Variants in KDM4C observed in about 807,000 individuals in gnomAD.
The protein encoded by KDM4C is lysine-specific demethylase 4C.
A neutral mutation model predicts 129.3 loss-of-function variants in KDM4C; 81 were observed. That is an observed-to-expected ratio of 0.63 (90% CI 0.52 to 0.75). The LOEUF is 0.75. Among genes scored for constraint, KDM4C ranks in the 30% least tolerant of loss-of-function variants. KDM4C has a pLI of 0.00. For synonymous variants in KDM4C, 573 were observed against 456.1 expected, an observed-to-expected ratio of 1.26 and a Z score of -3.26; for missense variants, 1,457 against 1,304.0, an observed-to-expected ratio of 1.12 and a Z score of -1.81.
At chr9:6,938,493 G>A (rs1330635536) in intron 8 of KDM4C, among the ~76,000 whole-genome samples, 1 of 152,172 alleles carries the variant, frequency 6.6e-6, no homozygotes. Context: ...AAAACCGACC[G>A]TATGAAGCTG....
chr9:6,932,444 CTT>C (rs1823925788), intron 8 of KDM4C, among the ~76,000 whole-genome samples: 1 of 152,104 alleles, frequency 6.6e-6, no homozygotes, highest in Admixed American at 6.5e-5. Flanking sequence ...CTTGAGAAAA[CTT>C]TTGTTGAAAA....
rs558865525 is a variant in KDM4C, at chr9:6,736,900, A to T, written c.49+15903A>T. Reference sequence around the variant, plus strand: ...ACCCCGTCTCTACAAAAAAATACAAAATTAGCCGGGCATGGGGGCACACAC... The same window carrying T: ...ACCCCGTCTCTACAAAAAAATACAATATTAGCCGGGCATGGGGGCACACAC... On this transcript the variant is annotated intron_variant, in intron 1 of 17. Transcript: ENST00000536108. 2.5e-4 allele frequency among the ~76,000 whole-genome samples: 38 copies of T among 151,998 alleles called. 1 individual carries two copies. The highest frequency in any genetic ancestry group is 6.8e-3 in the Middle Eastern group (2 of 294).
chr9:6,789,218 AT>A (rs71308871), intron 1 of KDM4C, among the ~76,000 whole-genome samples: 53 of 117,270 alleles, frequency 4.5e-4, no homozygotes, highest in Admixed American at 5.7e-4. Flanking sequence ...CGCCTGGCTA[AT>A]TTTTTTTTTT....
intron 1 of KDM4C, among the ~76,000 whole-genome samples, chr9:6,746,460 G>T (rs10975817): frequency 0.17 from 24,532 of 147,446 alleles, 2,102 homozygotes; most frequent in African/African-American, 0.21. Context: ...GTAGAGACAG[G>T]GTTTCACCGT....
intron 8 of KDM4C, among the ~76,000 whole-genome samples, chr9:6,950,993 A>C (rs1284442899): frequency 6.6e-6 from 1 of 152,130 alleles, no homozygotes; most frequent in Non-Finnish European, 1.5e-5. Flanking sequence ...CTCTGAAGGG[A>C]GGCATTCATT....
chr9:6,832,190 A>G (rs1021022342), intron 4 of KDM4C, among the ~76,000 whole-genome samples: 1 of 151,446 alleles, frequency 6.6e-6, no homozygotes, highest in African/African-American at 2.4e-5. Flanking sequence ...AATACAAAAA[A>G]TTAGCCGGGC....
intron 18 of KDM4C, among the ~76,000 whole-genome samples, chr9:7,119,416 C>G (rs1040170936): frequency 6.6e-5 from 10 of 152,130 alleles, no homozygotes; most frequent in African/African-American, 1.9e-4. Flanking sequence ...CAATCTTGAG[C>G]ATAGGCAGAG....
chr9:7,049,597 C>T (rs1008811322), intron 17 of KDM4C, among the ~76,000 whole-genome samples: 1 of 152,100 alleles, frequency 6.6e-6, no homozygotes, highest in African/African-American at 2.4e-5. Context: ...AACCTAATTT[C>T]ATTATCTCTT....
intron 19 of KDM4C, among the ~76,000 whole-genome samples, chr9:7,141,920 A>G (rs1475262907): frequency 6.6e-6 from 1 of 152,172 alleles, no homozygotes; most frequent in Non-Finnish European, 1.5e-5. Flanking sequence ...CTTCATCTCT[A>G]AATGGATGTG....
At chr9:7,000,158 C>T (rs1820473492) in intron 12 of KDM4C, among the ~76,000 whole-genome samples, 1 of 152,068 alleles carries the variant, frequency 6.6e-6, no homozygotes, top group Non-Finnish European at 1.5e-5. Context: ...TTGGTGTTCT[C>T]AGTTTAGCCT....
chr9:6,951,735 A>G (rs1828185631), intron 8 of KDM4C, among the ~76,000 whole-genome samples: 1 of 152,230 alleles, frequency 6.6e-6, no homozygotes, highest in East Asian at 1.9e-4. Flanking sequence ...TATTTCATGC[A>G]TTTAATCATG....
chr9:6,841,948 C>G (rs1409039946), intron 4 of KDM4C, among the ~76,000 whole-genome samples: 4 of 152,296 alleles, frequency 2.6e-5, no homozygotes, highest in Admixed American at 2.0e-4. Flanking sequence ...TTCTTAATTG[C>G]TCAGGCTTTG....
intron 9 of KDM4C, among the ~76,000 whole-genome samples, chr9:6,983,561 CAG>C: frequency 7.1e-6 from 1 of 140,168 alleles, no homozygotes; most frequent in South Asian, 2.3e-4. Flanking sequence ...TATAGTGAGA[CAG>C]TGTCTTTATG....
chr9:6,970,423 T>G (rs942184888), intron 8 of KDM4C, among the ~76,000 whole-genome samples: 1 of 152,246 alleles, frequency 6.6e-6, no homozygotes, highest in Non-Finnish European at 1.5e-5. Flanking sequence ...GCTTCATAGC[T>G]GGTTACTGTG....
chr9:6,754,875 C>G (rs1181043776), upstream of KDM4C, among the ~76,000 whole-genome samples: 1 of 82,664 alleles, frequency 1.2e-5, no homozygotes, highest in African/African-American at 5.3e-5. Flanking sequence ...GATCCTGTCT[C>G]AAAGTAAAAA....
chr9:6,803,382 C>G (rs1040618390), intron 2 of KDM4C, among the ~76,000 whole-genome samples: 1 of 151,662 alleles, frequency 6.6e-6, no homozygotes, highest in African/African-American at 2.4e-5. Context: ...ACCATCCTGG[C>G]CAACATGGTG....
intron 1 of KDM4C, chr9:6,734,818 T>C: frequency 2.2e-6 from 1 of 453,666 alleles, no homozygotes; most frequent in Non-Finnish European, 4.4e-6. Context: ...TCCATTGTTT[T>C]CTCTACAGGA....
At chr9:6,869,612 C>T (rs1407853261) in intron 5 of KDM4C, among the ~76,000 whole-genome samples, 1 of 152,250 alleles carries the variant, frequency 6.6e-6, no homozygotes, top group African/African-American at 2.4e-5. Flanking sequence ...AGTGCTGGAG[C>T]TGACATTGCC....
chr9:6,964,709 G>C (rs562625365), intron 8 of KDM4C, among the ~76,000 whole-genome samples: 2 of 151,056 alleles, frequency 1.3e-5, no homozygotes, highest in East Asian at 3.9e-4. Flanking sequence ...GTGAACCCGG[G>C]AGGTGGAGCT....
Sources: gnomAD v4.1 joint callset for allele counts (sites outside exome capture counted in the v4.1 genomes callset) on GRCh38, gnomAD v4.1.1 for gene constraint, MANE v1.5 for transcripts, NCBI Gene and HGNC (gene_info 2026-07-23, HGNC 2026-07-21) for gene names.